Variants in GLI2 observed in about 807,000 individuals in gnomAD.
GLI2 encodes the protein transcription activator GLI2.
A neutral mutation model predicts 78.9 loss-of-function variants in GLI2; 22 were observed. That is an observed-to-expected ratio of 0.28 (90% CI 0.20 to 0.40). The LOEUF is 0.40. GLI2 is among the 10% of genes least tolerant of loss of function. GLI2 has a pLI of 1.00. For synonymous variants in GLI2, 974 were observed against 963.7 expected, an observed-to-expected ratio of 1.01 and a Z score of -0.20; for missense variants, 2,097 against 2,213.2, an observed-to-expected ratio of 0.95 and a Z score of 1.05.
intron 2 of GLI2, among the ~76,000 whole-genome samples, chr2:120,820,845 T>G (rs2310895): frequency 0.47 from 71,514 of 152,012 alleles, 16,907 homozygotes; most frequent in South Asian, 0.52. Flanking sequence ...TCTTCCAGGG[T>G]TTCTCTATGC....
At chr2:120,905,056 C>A (rs745751907) in intron 2 of GLI2, among the ~76,000 whole-genome samples, 1 of 152,192 alleles carries the variant, frequency 6.6e-6, no homozygotes, top group African/African-American at 2.4e-5. Flanking sequence ...CAGTTGGTAC[C>A]GACACAGGGC....
At chr2:120,760,868 C>T (rs1049398603) in intron 1 of GLI2, among the ~76,000 whole-genome samples, 1 of 152,190 alleles carries the variant, frequency 6.6e-6, no homozygotes, top group African/African-American at 2.4e-5. Context: ...TTTTCTCCTC[C>T]AAGCCTGTCC....
intron 2 of GLI2, among the ~76,000 whole-genome samples, chr2:120,810,474 C>T (rs1213656110): frequency 6.6e-6 from 1 of 152,136 alleles, no homozygotes; most frequent in Non-Finnish European, 1.5e-5. Context: ...CATTGCTGTC[C>T]CTCCTCCCTC....
At chr2:120,988,159 A>G in intron 13 of GLI2, 49 bp from the exon 14 acceptor site, 1 of 1,525,256 alleles carries the variant, frequency 6.6e-7, no homozygotes, top group Non-Finnish European at 8.8e-7. Context: ...GGTCAAAGCA[A>G]GCAGCCACCC....
chr2:120,950,819 C>T (rs1558907997), intron 3 of GLI2, among the ~76,000 whole-genome samples: 1 of 152,180 alleles, frequency 6.6e-6, no homozygotes, highest in African/African-American at 2.4e-5. Flanking sequence ...GAGCTCTTTG[C>T]GTTTTACCCG....
chr2:120,984,916 C>A (rs1682900199), intron 12 of GLI2, among the ~76,000 whole-genome samples, 173 bp downstream of exon 12: 1 of 152,220 alleles, frequency 6.6e-6, no homozygotes, highest in South Asian at 2.1e-4. Flanking sequence ...TCACATGGAA[C>A]CTATCTTGTC....
chr2:120,822,410 T>C (rs1203674969), intron 2 of GLI2, among the ~76,000 whole-genome samples: 2 of 152,186 alleles, frequency 1.3e-5, no homozygotes, highest in Non-Finnish European at 2.9e-5. Context: ...CTCCAGAACC[T>C]TTGTGTTCCC....
intron 2 of GLI2, among the ~76,000 whole-genome samples, chr2:120,881,582 G>T (rs1573530454): frequency 9.0e-6 from 1 of 111,014 alleles, no homozygotes; most frequent in African/African-American, 3.6e-5. Context: ...GGGGAGGGCA[G>T]GTAGTGGGAG....
At chr2:120,787,771 G>C (rs1338534985) in intron 1 of GLI2, among the ~76,000 whole-genome samples, 1 of 152,238 alleles carries the variant, frequency 6.6e-6, no homozygotes, top group Non-Finnish European at 1.5e-5. Context: ...CAGCGGTGCT[G>C]GGGGAGTGGT....
intron 2 of GLI2, among the ~76,000 whole-genome samples, chr2:120,861,127 G>C (rs1031879752): frequency 6.6e-6 from 1 of 152,200 alleles, no homozygotes; most frequent in Non-Finnish European, 1.5e-5. Flanking sequence ...CCCTCTGCAA[G>C]AGAGTCTCTA....
chr2:120,899,420 CACACACACAT>C (rs756341177), intron 2 of GLI2, among the ~76,000 whole-genome samples: 11,667 of 151,560 alleles, frequency 0.077, 813 homozygotes, highest in African/African-American at 0.19. Flanking sequence ...CACACACACA[CACACACACAT>C]ACACACATGC....
At chr2:120,909,830 A>G (rs1431782216) in intron 2 of GLI2, among the ~76,000 whole-genome samples, 1 of 152,226 alleles carries the variant, frequency 6.6e-6, no homozygotes, top group African/African-American at 2.4e-5. Flanking sequence ...ACGCCACTGC[A>G]CTCCGGCCTG....
chr2:120,764,748 C>A (rs1402170925), intron 1 of GLI2, among the ~76,000 whole-genome samples: 3 of 152,208 alleles, frequency 2.0e-5, no homozygotes, highest in Admixed American at 6.5e-5. Flanking sequence ...TTCGAAGACT[C>A]TGAAAAATCC....
intron 2 of GLI2, among the ~76,000 whole-genome samples, chr2:120,798,260 G>A (rs752505404): frequency 3.4e-4 from 52 of 152,244 alleles, no homozygotes; most frequent in African/African-American, 9.6e-4. Context: ...TCCGGCGGGC[G>A]CTTGGGCAGC....
chr2:120,814,546 G>A (rs983280776), intron 2 of GLI2, among the ~76,000 whole-genome samples: 11 of 152,172 alleles, frequency 7.2e-5, no homozygotes, highest in Admixed American at 3.9e-4. Flanking sequence ...CTACAGACTG[G>A]CACCAGTCCA....
intron 2 of GLI2, among the ~76,000 whole-genome samples, chr2:120,908,897 A>G (rs1318636637): frequency 1.3e-5 from 2 of 152,182 alleles, no homozygotes; most frequent in South Asian, 2.1e-4. Flanking sequence ...GACTGTCTAC[A>G]GGAGTCAGAT....
chr2:120,961,846 T>C (rs1681578177), intron 5 of GLI2, among the ~76,000 whole-genome samples: 1 of 152,160 alleles, frequency 6.6e-6, no homozygotes, highest in African/African-American at 2.4e-5. Context: ...TTTCCTGAAA[T>C]GGAAAACCTA....
chr2:120,740,841 C>T (rs1453607268), intron 1 of GLI2, among the ~76,000 whole-genome samples: 1 of 152,222 alleles, frequency 6.6e-6, no homozygotes, highest in East Asian at 1.9e-4. Flanking sequence ...AGCCGAGGGC[C>T]CCAGGCCTCC....
chr2:120,905,875 C>G (rs969655730), intron 2 of GLI2, among the ~76,000 whole-genome samples: 172 of 151,978 alleles, frequency 1.1e-3, no homozygotes, highest in Non-Finnish European at 2.1e-3. Flanking sequence ...CTGCCCCCCC[C>G]CCGCCCCCAC....
Sources: gnomAD v4.1 joint callset for allele counts (sites outside exome capture counted in the v4.1 genomes callset) on GRCh38, gnomAD v4.1.1 for gene constraint, MANE v1.5 for transcripts, NCBI Gene and HGNC (gene_info 2026-07-23, HGNC 2026-07-21) for gene names.